LDHB: variants seen among roughly 807,000 people sequenced by gnomAD.
The protein encoded by LDHB is lactate dehydrogenase B.
In LDHB, 18 loss-of-function variants were observed where a neutral mutation model predicts 33.4. The observed-to-expected ratio is 0.54, with a 90% confidence interval of 0.37 to 0.80. The LOEUF (loss-of-function observed/expected upper bound fraction) is 0.80, where lower values mean the gene tolerates loss of function less well. Ranked by LOEUF, LDHB falls within the 30% of genes least tolerant of loss-of-function variation. LDHB has a pLI of 0.00. For synonymous variants in LDHB, 121 were observed against 140.6 expected (o/e 0.86, Z 0.98); for missense variants, 345 against 407.9 (o/e 0.85, Z 1.33).
At chr12:21,652,849 T>C (rs1345694087) in intron 2 of LDHB, among the ~76,000 whole-genome samples, 1 of 148,546 alleles carries the variant, frequency 6.7e-6, no homozygotes, top group Non-Finnish European at 1.5e-5. Flanking sequence ...AAAATGTTCA[T>C]GGGTGTGCAC....
In LDHB at chr12:21,644,050, T is replaced by C. The variant is rs1591830305; in HGVS notation, c.306A>G (p.Gln102=). The change falls in exon 4 of 8, where the codon CAA becomes CAG. Residue 102 remains glutamine, a synonymous_variant. Coordinates refer to ENST00000350669, the MANE Select transcript of LDHB (RefSeq NM_002300.8). ...IVVVTAGVRQ[Q]EGESRLNLVQ... ...CCAGATTGAGCCGACTCTCCCCTTC[T>C]TGCTGACGGACTCCTGCAGTTACCA... The C allele has an allele frequency of 8.7e-6, 14 of 1,613,408 alleles. No individual in the cohort carries two copies. The highest frequency in any genetic ancestry group is 1.2e-5 in the Non-Finnish European group (14 of 1,179,352).
intron 2 of LDHB, among the ~76,000 whole-genome samples, chr12:21,650,534 A>G (rs1938659626): frequency 6.6e-6 from 1 of 152,250 alleles, no homozygotes; most frequent in Admixed American, 6.5e-5. Context: ...AGACAGACTT[A>G]GAAGCTAAGG....
intron 2 of LDHB, among the ~76,000 whole-genome samples, chr12:21,652,820 G>C (rs753028739): frequency 6.6e-6 from 1 of 152,186 alleles, no homozygotes; most frequent in African/African-American, 2.4e-5. Context: ...AAACTAGCTA[G>C]AAGCAAATGC....
chr12:21,656,167 T>A (rs766173034), intron 1 of LDHB, among the ~76,000 whole-genome samples: 1 of 152,194 alleles, frequency 6.6e-6, no homozygotes, highest in Non-Finnish European at 1.5e-5. Flanking sequence ...GGACTCAAAG[T>A]TGGAATAAAG....
chr12:21,643,041 T>C (rs1938415179), intron 4 of LDHB, among the ~76,000 whole-genome samples: 1 of 152,256 alleles, frequency 6.6e-6, no homozygotes, highest in Non-Finnish European at 1.5e-5. Context: ...ACCTGGCACA[T>C]ATATATTTAT....
chr12:21,635,620 T>C lies in LDHB; in HGVS notation c.927A>G (p.Leu309=). ...TGAGCTGAGCAACCTCATCATCCTT[T>C]AGCTTCTGGTTGATAACGCTGGTTA... The part of the protein sequence containing the change: ...RGLTSVINQK[L]KDDEVAQLKK... Residue 309 remains leucine (L), a synonymous_variant, in exon 8 of 8, where the codon CTA becomes CTG. Transcript: ENST00000350669. 2 of 1,613,322 alleles carry C rather than the reference T, an allele frequency of 1.2e-6. No individual in the cohort carries two copies. Among genetic ancestry groups the C allele is most frequent in the Non-Finnish European group, 1.7e-6 (2 of 1,179,742 alleles).
chr12:21,651,824 A>C (rs1303666907), intron 2 of LDHB, among the ~76,000 whole-genome samples: 1 of 152,250 alleles, frequency 6.6e-6, no homozygotes, highest in East Asian at 1.9e-4. Flanking sequence ...TGGTAAAATC[A>C]TCTTTCAACA....
chr12:21,649,395 G>A (rs747607694), intron 2 of LDHB, among the ~76,000 whole-genome samples: 7 of 152,226 alleles, frequency 4.6e-5, no homozygotes, highest in Admixed American at 6.5e-5. Context: ...GGCGTGATGT[G>A]TGACTAAGTA....
chr12:21,647,012 A>G lies in LDHB; in HGVS notation c.134T>C (p.Leu45Pro). The stretch of plus-strand genomic sequence containing the variant: ...ATCCACAAGAGCAAGTTCATCAGCC[A>G]GAGACTGTAAACGCAAAAACAGGCA... ...ACAISILGKS[L>P]ADELALVDVL... The change falls in exon 3 of 8, where the codon CTG becomes CCG. Residue 45 changes from leucine to proline, a missense_variant. Leu to Pro is a moderately conservative substitution (Grantham distance 98). Coordinates refer to ENST00000350669, the MANE Select transcript of LDHB (RefSeq NM_002300.8). 6.2e-7 allele frequency: 1 copy of G among 1,609,134 alleles called. No homozygotes were observed. The highest frequency in any genetic ancestry group is 2.2e-5 in the East Asian group (1 of 44,840).
chr12:21,655,497 T>A (rs1030453), intron 1 of LDHB, among the ~76,000 whole-genome samples: 2 of 152,188 alleles, frequency 1.3e-5, no homozygotes, highest in East Asian at 1.9e-4. Context: ...TGTGTTACAG[T>A]GTACTGGACA....
intron 2 of LDHB, among the ~76,000 whole-genome samples, chr12:21,651,279 T>C (rs1938682148): frequency 2.0e-5 from 3 of 152,224 alleles, no homozygotes; most frequent in Admixed American, 2.0e-4. Context: ...ATTTTATGTA[T>C]GTGTGTAGCA....
chr12:21,649,948 C>T (rs1383240966), intron 2 of LDHB, among the ~76,000 whole-genome samples: 5 of 151,834 alleles, frequency 3.3e-5, no homozygotes, highest in Admixed American at 1.3e-4. Flanking sequence ...AAAAATTAGC[C>T]GGGCATGGTG....
intron 2 of LDHB, among the ~76,000 whole-genome samples, chr12:21,648,433 GA>G (rs550057580): frequency 3.6e-4 from 53 of 149,208 alleles, no homozygotes; most frequent in African/African-American, 1.2e-3. Flanking sequence ...ACTTTTGGTT[GA>G]AAAAAAAAAT....
chr12:21,636,497 CA>C (rs1938221139), intron 7 of LDHB, among the ~76,000 whole-genome samples: 1 of 151,894 alleles, frequency 6.6e-6, no homozygotes, highest in Non-Finnish European at 1.5e-5. Context: ...TGTACATACA[CA>C]AAAGTAGATA....
At position 21,654,558 on chromosome 12, in the gene LDHB, G is replaced by A; in HGVS notation, c.114C>T (p.Ile38=). 6.2e-7 allele frequency: 1 copy of A among 1,614,060 alleles called. No homozygotes were observed. The highest frequency in any genetic ancestry group is 8.5e-7 in the Non-Finnish European group (1 of 1,179,938). ...GVGQVGMACA[I]SILGKSLADE... ...TGAAATGTACCTTTCCCAGAATGCT[G>A]ATAGCACACGCCATACCAACTTGTC... The change falls in exon 2 of 8, where the codon ATC becomes ATT. Residue 38 remains isoleucine (I), a synonymous_variant. Coordinates refer to ENST00000350669, the MANE Select transcript of LDHB (RefSeq NM_002300.8).
chr12:21,653,996 T>C (rs552937350), intron 2 of LDHB, among the ~76,000 whole-genome samples: 1 of 152,248 alleles, frequency 6.6e-6, no homozygotes, highest in East Asian at 1.9e-4. Flanking sequence ...CTCCTGATGG[T>C]CTGCACAAAG....
chr12:21,644,130 C>T (rs1268645542), intron 3 of LDHB, 22 bp from the exon 4 acceptor site: 1 of 1,564,920 alleles, frequency 6.4e-7, no homozygotes, highest in Non-Finnish European at 8.8e-7. Flanking sequence ...AAAGCAAAAA[C>T]AGGTACTTTA....
At position 21,644,270 on chromosome 12, in the gene LDHB, GCTT is replaced by G. The variant is rs539935732; in HGVS notation, c.248-165_248-163del. Among the ~76,000 whole-genome samples the G allele has an allele frequency of 2.3e-3, 349 of 151,946 alleles. 2 individuals carry two copies. Among genetic ancestry groups the G allele is most frequent in the African/African-American group, 7.9e-3 (327 of 41,464 alleles). On this transcript the variant is annotated intron_variant, in intron 3 of 7. Transcript: ENST00000350669. ...GGGCTTGAAGTTTAATGTTCCTGTG[GCTT>G]CTTTTTTCTCCCTTGAGCTACACTG...
intron 1 of LDHB, among the ~76,000 whole-genome samples, chr12:21,655,463 T>G (rs1472430969): frequency 2.0e-5 from 3 of 152,242 alleles, no homozygotes; most frequent in African/African-American, 7.2e-5. Flanking sequence ...AGGGACTGAT[T>G]CTTCTACTCT....
Sources: gnomAD v4.1 joint callset for allele counts (sites outside exome capture counted in the v4.1 genomes callset) on GRCh38, gnomAD v4.1.1 for gene constraint, MANE v1.5 for transcripts, NCBI Gene and HGNC (gene_info 2026-07-23, HGNC 2026-07-21) for gene names.